Variants in PARD3 observed in about 807,000 individuals in gnomAD.
PARD3 encodes the protein partitioning defective 3 homolog.
In PARD3, 75 loss-of-function variants were observed where a neutral mutation model predicts 155.4. That is an observed-to-expected ratio of 0.48 (90% confidence interval 0.40 to 0.58). The LOEUF (loss-of-function observed/expected upper bound fraction) is 0.58, where lower values mean the gene tolerates loss of function less well. Among genes scored for constraint, PARD3 ranks in the 20% least tolerant of loss-of-function variants. The pLI is 0.00. For synonymous variants in PARD3, 576 were observed against 610.5 expected, an observed-to-expected ratio of 0.94 and a Z score of 0.83; for missense variants, 1,642 against 1,721.7, an observed-to-expected ratio of 0.95 and a Z score of 0.82.
At chr10:34,553,943 T>A (rs2084794736) in intron 2 of PARD3, among the ~76,000 whole-genome samples, 1 of 152,226 alleles carries the variant, frequency 6.6e-6, no homozygotes, top group Admixed American at 6.5e-5. Flanking sequence ...ACTGCTAGAC[T>A]AGTGATGCAT....
intron 2 of PARD3, among the ~76,000 whole-genome samples, chr10:34,555,111 G>A (rs2084883567): frequency 6.6e-6 from 1 of 152,130 alleles, no homozygotes; most frequent in Non-Finnish European, 1.5e-5. Context: ...GTCAGTTATG[G>A]ACTCTGGGTG....
At chr10:34,790,522 G>C (rs973392429) in intron 1 of PARD3, among the ~76,000 whole-genome samples, 4 of 152,118 alleles carry the variant, frequency 2.6e-5, no homozygotes, top group African/African-American at 4.8e-5. Context: ...GTTAGGGCCA[G>C]AACTGCTGAA....
intron 1 of PARD3, among the ~76,000 whole-genome samples, chr10:34,774,852 T>C (rs181787435): frequency 6.6e-6 from 1 of 152,354 alleles, no homozygotes; most frequent in East Asian, 1.9e-4. Context: ...TCTAGCAATT[T>C]CACTGGTATC....
chr10:34,419,805 T>A (rs1440188216), intron 5 of PARD3, among the ~76,000 whole-genome samples: 1 of 152,236 alleles, frequency 6.6e-6, no homozygotes, highest in East Asian at 1.9e-4. Context: ...ATTTTATACA[T>A]AGGACATATC....
At chr10:34,195,786 T>C (rs1003280542) in intron 22 of PARD3, among the ~76,000 whole-genome samples, 3 of 152,154 alleles carry the variant, frequency 2.0e-5, no homozygotes, top group Non-Finnish European at 4.4e-5. Context: ...TGACATCAAA[T>C]AGCACAGGAC....
At chr10:34,587,735 AG>A (rs1271696007) in intron 2 of PARD3, among the ~76,000 whole-genome samples, 1 of 152,142 alleles carries the variant, frequency 6.6e-6, no homozygotes, top group Non-Finnish European at 1.5e-5. Context: ...CCATGCTCTG[AG>A]TTTCGTGCAA....
At chr10:34,738,744 C>G (rs193002715) in intron 1 of PARD3, among the ~76,000 whole-genome samples, 6 of 151,918 alleles carry the variant, frequency 3.9e-5, no homozygotes, top group Non-Finnish European at 8.8e-5. Context: ...CAGAGTGAGA[C>G]CCTGTCTTAA....
At chr10:34,590,031 C>T (rs2088519405) in intron 2 of PARD3, among the ~76,000 whole-genome samples, 1 of 152,152 alleles carries the variant, frequency 6.6e-6, no homozygotes, top group Non-Finnish European at 1.5e-5. Context: ...TCATTTCATA[C>T]ACTTATTTCC....
chr10:34,726,219 G>A (rs375812979), intron 1 of PARD3, among the ~76,000 whole-genome samples: 1 of 152,334 alleles, frequency 6.6e-6, no homozygotes, highest in East Asian at 1.9e-4. Flanking sequence ...ACTTTGGGAG[G>A]TGGGTGAATC....
chr10:34,759,109 T>C (rs1837099430), intron 1 of PARD3, among the ~76,000 whole-genome samples: 2 of 151,900 alleles, frequency 1.3e-5, no homozygotes, highest in Admixed American at 1.3e-4. Flanking sequence ...ACTGAAACTT[T>C]TTTAAAAAGA....
chr10:34,326,784 C>T (rs924599854), intron 19 of PARD3, among the ~76,000 whole-genome samples: 1 of 152,120 alleles, frequency 6.6e-6, no homozygotes, highest in Non-Finnish European at 1.5e-5. Flanking sequence ...TATTCTGGAG[C>T]AGTGCTTTTC....
rs1208934771 is a variant in PARD3, at chr10:34,729,017, T to TA, written c.121-32599dup. On this transcript the variant is annotated intron_variant, in intron 1 of 24. Coordinates refer to ENST00000374788, the MANE Select transcript of PARD3 (RefSeq NM_001184785.2). ...TAACTGCCTGCAGTATTCAGGACAG[T>TA]AACAGGCTGTACAGGTTTGCAGTCC... 5.3e-5 allele frequency among the ~76,000 whole-genome samples: 8 copies of TA among 152,252 alleles called. No homozygotes were observed. The East Asian group carries it at 1.4e-3, about 26-fold the overall frequency.
chr10:34,366,527 G>A (rs1392412471), intron 12 of PARD3, among the ~76,000 whole-genome samples: 1 of 152,044 alleles, frequency 6.6e-6, no homozygotes, highest in Non-Finnish European at 1.5e-5. Flanking sequence ...GGCTATGAAT[G>A]AGCACCTTAG....
At chr10:34,240,692 T>C (rs1429346815) in intron 22 of PARD3, among the ~76,000 whole-genome samples, 1 of 152,158 alleles carries the variant, frequency 6.6e-6, no homozygotes, top group East Asian at 1.9e-4. Context: ...TTTTGCTTCC[T>C]GGTGGAGATG....
intron 2 of PARD3, among the ~76,000 whole-genome samples, chr10:34,608,217 C>G (rs1468515420): frequency 6.6e-6 from 1 of 152,154 alleles, no homozygotes; most frequent in African/African-American, 2.4e-5. Flanking sequence ...GTAAAACATA[C>G]TAGAATTAAA....
At chr10:34,592,852 G>A (rs1237485934) in intron 2 of PARD3, among the ~76,000 whole-genome samples, 1 of 152,112 alleles carries the variant, frequency 6.6e-6, no homozygotes, top group Non-Finnish European at 1.5e-5. Context: ...CTGCTCCAAG[G>A]TGACACAAAA....
In PARD3 at chr10:34,607,592, G is replaced by A. The variant is rs117085426; in HGVS notation, c.222+88726C>T. On this transcript the variant is annotated intron_variant, in intron 2 of 24. Coordinates refer to ENST00000374788, the MANE Select transcript of PARD3 (RefSeq NM_001184785.2). ...TACCCTAGGTGATATCTGTTCACAT[G>A]ATCCTTTTTCTGTTGCAAATATGTT... Among the ~76,000 whole-genome samples, 400 of 152,298 alleles carry A rather than the reference G, an allele frequency of 2.6e-3. 18 individuals are homozygous for A. The East Asian group carries it at 0.071, about 27-fold the overall frequency.
chr10:34,312,505 AAAC>A, intron 20 of PARD3: 1 of 869,894 alleles, frequency 1.1e-6, no homozygotes, highest in Non-Finnish European at 1.9e-6. Flanking sequence ...TCAGTTTTTA[AAAC>A]CTGATTATGT....
chr10:34,788,994 G>GA (rs1235775828), intron 1 of PARD3, among the ~76,000 whole-genome samples: 2 of 152,168 alleles, frequency 1.3e-5, no homozygotes, highest in Non-Finnish European at 2.9e-5. Flanking sequence ...TTATACTTCA[G>GA]AAAACTTGTC....
Sources: gnomAD v4.1 joint callset for allele counts (sites outside exome capture counted in the v4.1 genomes callset) on GRCh38, gnomAD v4.1.1 for gene constraint, MANE v1.5 for transcripts, NCBI Gene and HGNC (gene_info 2026-07-23, HGNC 2026-07-21) for gene names.